The following ARSB variants were observed in gnomAD, a reference collection of about 807,000 sequenced individuals.
ARSB encodes the protein N-acetylgalactosamine-4-sulfatase.
A neutral mutation model predicts 50.9 loss-of-function variants in ARSB; 41 were observed. The observed-to-expected ratio is 0.81, with a 90% CI of 0.63 to 1.04. ARSB has a LOEUF of 1.04. ARSB is among the 50% of genes least tolerant of loss of function. ARSB has a pLI of 0.00. For missense variants in ARSB, 672 were observed against 693.3 expected (o/e 0.97, Z 0.35); for synonymous variants, 269 against 284.8 (o/e 0.94, Z 0.56).
chr5:78,828,681 CTTG>C lies in ARSB; in HGVS notation c.1213+10672_1213+10674del, dbSNP rs1268348807. ...TTCTCTCCAACTAGGTTATAAGCGACTTGTTGTATTTTTCATGAAGTCTAGGGC... is the reference window on the plus strand; with the variant it reads ...TTCTCTCCAACTAGGTTATAAGCGACTTGTATTTTTCATGAAGTCTAGGGC... On this transcript the variant is annotated intron_variant, in intron 6 of 7. Coordinates refer to ENST00000264914, the MANE Select transcript of ARSB (RefSeq NM_000046.5). 5.9e-5 allele frequency among the ~76,000 whole-genome samples: 9 copies of C among 152,256 alleles called. No individual in the cohort carries two copies. In the East Asian group the frequency reaches 1.3e-3, roughly 23 times the overall value.
At chr5:78,932,942 A>C (rs900428933) in intron 4 of ARSB, among the ~76,000 whole-genome samples, 1 of 152,160 alleles carries the variant, frequency 6.6e-6, no homozygotes, top group East Asian at 1.9e-4. Context: ...AACTCCACTC[A>C]TATTTCCCCT....
intron 5 of ARSB, among the ~76,000 whole-genome samples, chr5:78,845,820 C>A (rs962797985): frequency 4.6e-5 from 7 of 152,120 alleles, no homozygotes; most frequent in African/African-American, 1.7e-4. Context: ...TATTTTCTCC[C>A]ATTATGCAGG....
At chr5:78,957,785 CTG>C (rs1751798864) in intron 3 of ARSB, among the ~76,000 whole-genome samples, 2 of 152,010 alleles carry the variant, frequency 1.3e-5, no homozygotes, top group Non-Finnish European at 2.9e-5. Flanking sequence ...GCTGCGATGT[CTG>C]GAGGGAAGAA....
chr5:78,936,184 G>A (rs1435073279), intron 4 of ARSB, among the ~76,000 whole-genome samples: 2 of 142,406 alleles, frequency 1.4e-5, no homozygotes, highest in Admixed American at 1.4e-4. Context: ...GAGTGCAGTG[G>A]CGCTATCTCA....
At chr5:78,932,364 C>T (rs1750367159) in intron 4 of ARSB, among the ~76,000 whole-genome samples, 1 of 152,206 alleles carries the variant, frequency 6.6e-6, no homozygotes, top group Non-Finnish European at 1.5e-5. Context: ...GGTAAGAGGA[C>T]AAGTGTAAGA....
At chr5:78,837,012 G>A (rs528440505) in intron 6 of ARSB, among the ~76,000 whole-genome samples, 1 of 152,252 alleles carries the variant, frequency 6.6e-6, no homozygotes, top group East Asian at 1.9e-4. Context: ...ACAGCAAGGG[G>A]GAATCCATGC....
At chr5:78,817,626 T>C (rs1243247146) in intron 6 of ARSB, among the ~76,000 whole-genome samples, 1 of 151,938 alleles carries the variant, frequency 6.6e-6, no homozygotes, top group Non-Finnish European at 1.5e-5. Context: ...CTGACCAATA[T>C]GGTGAAACCA....
At position 78,909,974 on chromosome 5, in the gene ARSB, A is replaced by G. The variant is rs7709470; in HGVS notation, c.899-24147T>C. On this transcript the variant is annotated intron_variant, in intron 4 of 7. Coordinates refer to ENST00000264914, the MANE Select transcript of ARSB (RefSeq NM_000046.5). The stretch of plus-strand genomic sequence containing the variant: ...CGGGAGGCGAGACATGTTGGCAGCA[A>G]TGCTGCTCTGCTACTCTTTACTCCA... 8.5e-3 allele frequency among the ~76,000 whole-genome samples: 1,293 copies of G among 152,348 alleles called. 18 individuals are homozygous for G. Among genetic ancestry groups the G allele is most frequent in the African/African-American group, 0.03 (1,245 of 41,588 alleles).
intron 6 of ARSB, among the ~76,000 whole-genome samples, chr5:78,789,003 TG>T (rs1749170203): frequency 6.6e-6 from 1 of 152,152 alleles, no homozygotes; most frequent in African/African-American, 2.4e-5. Flanking sequence ...GTGATTCCAA[TG>T]GGTTCACCAA....
intron 4 of ARSB, among the ~76,000 whole-genome samples, chr5:78,936,662 T>C (rs965409981): frequency 2.0e-5 from 3 of 152,176 alleles, no homozygotes; most frequent in Non-Finnish European, 4.4e-5. Context: ...AATTCCCTCA[T>C]GATTTTATTT....
At chr5:78,940,296 T>C (rs1750846906) in intron 4 of ARSB, among the ~76,000 whole-genome samples, 1 of 152,196 alleles carries the variant, frequency 6.6e-6, no homozygotes, top group Non-Finnish European at 1.5e-5. Flanking sequence ...TTAGATCCCA[T>C]TTGTCTATTT....
chr5:78,984,836 C>G, intron 1 of ARSB, 101 bp downstream of exon 1: 1 of 1,004,298 alleles, frequency 1.0e-6, no homozygotes, highest in Non-Finnish European at 1.3e-6. Flanking sequence ...CGGTCCGAGC[C>G]CCGCCTGCCA....
intron 4 of ARSB, among the ~76,000 whole-genome samples, chr5:78,895,860 G>A (rs752020953): frequency 7.2e-5 from 11 of 152,164 alleles, no homozygotes; most frequent in Non-Finnish European, 1.5e-4. Flanking sequence ...GGAAGAGAGA[G>A]GACTGGAAAC....
intron 3 of ARSB, among the ~76,000 whole-genome samples, chr5:78,960,561 G>T (rs1354515236): frequency 2.0e-5 from 3 of 152,008 alleles, no homozygotes; most frequent in South Asian, 2.1e-4. Flanking sequence ...TGACATGGGG[G>T]TGTTTTTTTG....
chr5:78,870,663 T>C (rs1156999626), intron 5 of ARSB, among the ~76,000 whole-genome samples: 12 of 150,714 alleles, frequency 8.0e-5, no homozygotes, highest in East Asian at 3.9e-4. Context: ...TGGGACGTAT[T>C]TCAAAATAAT....
chr5:78,940,108 C>G (rs1195134833), intron 4 of ARSB, among the ~76,000 whole-genome samples: 1 of 152,076 alleles, frequency 6.6e-6, no homozygotes, highest in African/African-American at 2.4e-5. Context: ...TCATATCCTT[C>G]GCCCACTTTT....
chr5:78,870,620 C>T (rs940412069), intron 5 of ARSB, among the ~76,000 whole-genome samples: 17 of 151,568 alleles, frequency 1.1e-4, no homozygotes, highest in African/African-American at 4.1e-4. Flanking sequence ...AACAACACTT[C>T]ATGTTAAAAA....
intron 6 of ARSB, among the ~76,000 whole-genome samples, chr5:78,829,253 T>C (rs1377250144): frequency 6.6e-6 from 1 of 152,248 alleles, no homozygotes; most frequent in Admixed American, 6.5e-5. Flanking sequence ...TTTAAGCCAT[T>C]GAGTTTATGG....
At chr5:78,877,019 G>A (rs540556229) in intron 5 of ARSB, among the ~76,000 whole-genome samples, 1 of 152,148 alleles carries the variant, frequency 6.6e-6, no homozygotes, top group African/African-American at 2.4e-5. Context: ...TGGAAAAATT[G>A]TCTCTCACAA....
Sources: gnomAD v4.1 joint callset for allele counts (sites outside exome capture counted in the v4.1 genomes callset) on GRCh38, gnomAD v4.1.1 for gene constraint, MANE v1.5 for transcripts, NCBI Gene and HGNC (gene_info 2026-07-23, HGNC 2026-07-21) for gene names.